The following GSK3B variants were observed in gnomAD, a reference collection of about 807,000 sequenced individuals.
GSK3B encodes the protein glycogen synthase kinase-3 beta.
A neutral mutation model predicts 56.4 loss-of-function variants in GSK3B; 15 were observed. That is an observed-to-expected ratio of 0.27 (90% CI 0.18 to 0.41). The LOEUF (loss-of-function observed/expected upper bound fraction) is 0.41, where lower values mean the gene tolerates loss of function less well. GSK3B is among the 10% of genes least tolerant of loss of function. The pLI is 1.00. For synonymous variants in GSK3B, 181 were observed against 188.9 expected (o/e 0.96, Z 0.34); for missense variants, 300 against 513.4 (o/e 0.58, Z 4.02).
chr3:120,029,513 G>A, intron 1 of GSK3B: 1 of 634,308 alleles, frequency 1.6e-6, no homozygotes, highest in Non-Finnish European at 3.0e-6. Context: ...TCAGTTATGT[G>A]TGTAAAGTTG....
At chr3:120,018,914 G>A (rs1277537412) in intron 1 of GSK3B, among the ~76,000 whole-genome samples, 1 of 152,068 alleles carries the variant, frequency 6.6e-6, no homozygotes, top group Non-Finnish European at 1.5e-5. Flanking sequence ...ATAATACATA[G>A]CCTAACAACA....
intron 8 of GSK3B, among the ~76,000 whole-genome samples, chr3:119,865,642 T>G (rs1577325111): frequency 6.6e-6 from 1 of 151,308 alleles, no homozygotes; most frequent in East Asian, 1.9e-4. Context: ...GCTAATTTTT[T>G]GTATTTTTAG....
intron 7 of GSK3B, among the ~76,000 whole-genome samples, chr3:119,888,907 C>T (rs932683906): frequency 1.3e-5 from 2 of 152,068 alleles, no homozygotes; most frequent in Non-Finnish European, 2.9e-5. Flanking sequence ...TACCCTCAGG[C>T]TTAGCAGGGT....
At chr3:119,914,800 GA>G (rs2056765466) in intron 5 of GSK3B, among the ~76,000 whole-genome samples, 1 of 152,052 alleles carries the variant, frequency 6.6e-6, no homozygotes, top group South Asian at 2.1e-4. Context: ...GAAGCCTGTG[GA>G]AAACATATCC....
At chr3:120,009,695 G>T (rs756824239) in intron 1 of GSK3B, among the ~76,000 whole-genome samples, 18 of 152,058 alleles carry the variant, frequency 1.2e-4, no homozygotes, top group Admixed American at 2.6e-4. Flanking sequence ...TGTGGGGGGT[G>T]GGGGGCTAGG....
At chr3:120,029,589 T>C (rs1559883074) in intron 1 of GSK3B, 1 of 580,472 alleles carries the variant, frequency 1.7e-6, no homozygotes, top group African/African-American at 1.9e-5. Flanking sequence ...TGCAGCTGTC[T>C]GCACTAAGAT....
intron 2 of GSK3B, among the ~76,000 whole-genome samples, chr3:119,957,091 C>T (rs768544917): frequency 3.9e-5 from 6 of 152,178 alleles, no homozygotes; most frequent in Non-Finnish European, 8.8e-5. Context: ...AAGTTCCTTA[C>T]CGTCAATCTC....
rs1177638315 is a variant in GSK3B at position 120,066,915 on chromosome 3, GCGGTGT to G, written c.88+26426_88+26431del. 7.2e-5 allele frequency among the ~76,000 whole-genome samples: 11 copies of G among 152,248 alleles called. 1 individual carries two copies. The highest frequency in any genetic ancestry group is 2.6e-4 in the African/African-American group (11 of 41,560). Reference sequence around the variant, plus strand: ...TTTGCAGAAACCTTGATCTAGACCAGCGGTGTCTATTCTTTTGGGTTCCTTGGGCGA... The same window carrying G: ...TTTGCAGAAACCTTGATCTAGACCAGCTATTCTTTTGGGTTCCTTGGGCGA... On this transcript the variant is annotated intron_variant, in intron 1 of 10. Transcript: ENST00000264235.
At chr3:119,951,679 T>C (rs1201336347) in intron 2 of GSK3B, among the ~76,000 whole-genome samples, 1 of 151,674 alleles carries the variant, frequency 6.6e-6, no homozygotes, top group Non-Finnish European at 1.5e-5. Context: ...ATAATCAGGT[T>C]AAAAAAAAGC....
At chr3:119,987,757 C>T (rs139264405) in intron 2 of GSK3B, among the ~76,000 whole-genome samples, 3,939 of 152,140 alleles carry the variant, frequency 0.026, 174 homozygotes, top group African/African-American at 0.089. Flanking sequence ...ATTAATAGCA[C>T]ACTAATAGAA....
At chr3:120,086,615 C>T (rs759005715) in intron 1 of GSK3B, among the ~76,000 whole-genome samples, 7 of 151,892 alleles carry the variant, frequency 4.6e-5, no homozygotes, top group Admixed American at 1.3e-4. Context: ...GGCAAGATGG[C>T]GAAACCCCCT....
intron 2 of GSK3B, among the ~76,000 whole-genome samples, chr3:119,992,766 A>C (rs2057577230): frequency 6.6e-6 from 1 of 152,110 alleles, no homozygotes; most frequent in Non-Finnish European, 1.5e-5. Flanking sequence ...AATGGACCAA[A>C]AAAAGGACAA....
chr3:119,849,551 T>C (rs1181319493), intron 9 of GSK3B, among the ~76,000 whole-genome samples: 2 of 152,226 alleles, frequency 1.3e-5, no homozygotes, highest in Non-Finnish European at 1.5e-5. Flanking sequence ...GCCCATGCTG[T>C]CCATTTTCTC....
intron 1 of GSK3B, among the ~76,000 whole-genome samples, chr3:120,017,951 C>T (rs141897283): frequency 1.2e-3 from 176 of 152,314 alleles, no homozygotes; most frequent in African/African-American, 4.2e-3. Context: ...TCGGACCCTG[C>T]AATCACCCTC....
chr3:119,853,402 G>A (rs140719708), intron 9 of GSK3B, among the ~76,000 whole-genome samples: 2,813 of 152,160 alleles, frequency 0.018, 94 homozygotes, highest in African/African-American at 0.064. Flanking sequence ...TTGGCTATAC[G>A]GGCTCTTTTT....
At chr3:120,061,145 A>G (rs2058232797) in intron 1 of GSK3B, among the ~76,000 whole-genome samples, 2 of 152,238 alleles carry the variant, frequency 1.3e-5, no homozygotes, top group Non-Finnish European at 2.9e-5. Context: ...TTCCATTAGT[A>G]ACACTTTAAA....
intron 9 of GSK3B, among the ~76,000 whole-genome samples, chr3:119,848,183 AT>A (rs2108016538): frequency 6.6e-6 from 1 of 152,316 alleles, no homozygotes; most frequent in African/African-American, 2.4e-5. Flanking sequence ...ACACAAAAGC[AT>A]TTTTTGTTAG....
intron 1 of GSK3B, among the ~76,000 whole-genome samples, chr3:120,073,196 G>A (rs1422067485): frequency 7.8e-6 from 1 of 128,022 alleles, no homozygotes; most frequent in East Asian, 2.3e-4. Flanking sequence ...AACATAGGGA[G>A]ACCTCATCTC....
intron 9 of GSK3B, among the ~76,000 whole-genome samples, chr3:119,847,370 C>T (rs995480836): frequency 1.3e-5 from 2 of 152,078 alleles, no homozygotes; most frequent in East Asian, 1.9e-4. Context: ...ATCCCAGGTA[C>T]TTGGGAGGCT....
Sources: gnomAD v4.1 joint callset for allele counts (sites outside exome capture counted in the v4.1 genomes callset) on GRCh38, gnomAD v4.1.1 for gene constraint, MANE v1.5 for transcripts, NCBI Gene and HGNC (gene_info 2026-07-23, HGNC 2026-07-21) for gene names.